Variants in SAMD3 observed in about 807,000 individuals in gnomAD.
The protein encoded by SAMD3 is sterile alpha motif domain containing 3.
Under a neutral mutation model 58.5 loss-of-function variants are expected in SAMD3, and 63 were observed. The observed-to-expected ratio is 1.08, with a 90% CI of 0.88 to 1.33. The LOEUF is 1.33. SAMD3 is among the 40% of genes most tolerant of loss of function. The pLI, the probability that SAMD3 is intolerant of heterozygous loss-of-function variation, is 0.00. For missense variants in SAMD3, 604 were observed against 608.4 expected, an observed-to-expected ratio of 0.99 and a Z score of 0.08; for synonymous variants, 220 against 210.3, an observed-to-expected ratio of 1.05 and a Z score of -0.40.
chr6:130,275,101 T>C (rs1774728554), intron 2 of SAMD3, among the ~76,000 whole-genome samples: 1 of 152,190 alleles, frequency 6.6e-6, no homozygotes, highest in African/African-American at 2.4e-5. Context: ...GTATGCCCAT[T>C]AAATGTGAGA....
chr6:130,210,058 A>G (rs2114826372), intron 4 of SAMD3, among the ~76,000 whole-genome samples: 2 of 152,114 alleles, frequency 1.3e-5, no homozygotes, highest in South Asian at 4.2e-4. Context: ...TAGCTCCCTT[A>G]TTTTCCAAGT....
intron 2 of SAMD3, among the ~76,000 whole-genome samples, chr6:130,233,490 C>T (rs1053274659): frequency 2.0e-5 from 3 of 152,116 alleles, no homozygotes; most frequent in African/African-American, 7.2e-5. Flanking sequence ...CCCAGCAGTC[C>T]AGCAATGTGA....
chr6:130,340,428 G>T (rs2115022793), intron 1 of SAMD3, among the ~76,000 whole-genome samples: 1 of 152,218 alleles, frequency 6.6e-6, no homozygotes, highest in Middle Eastern at 3.4e-3. Context: ...GGATCCTGAG[G>T]ATTCCACTGG....
chr6:130,264,808 T>C (rs1774278456), intron 2 of SAMD3, among the ~76,000 whole-genome samples: 1 of 151,928 alleles, frequency 6.6e-6, no homozygotes, highest in Admixed American at 6.5e-5. Flanking sequence ...TCGGCCTCAG[T>C]CCTGGGGCTA....
chr6:130,304,683 T>A (rs1775856445), intron 2 of SAMD3, among the ~76,000 whole-genome samples: 1 of 152,152 alleles, frequency 6.6e-6, no homozygotes, highest in Non-Finnish European at 1.5e-5. Context: ...AGAATCATCT[T>A]GCTAAGTTCC....
At chr6:130,222,051 A>C (rs1215651390) in intron 1 of SAMD3, among the ~76,000 whole-genome samples, 1 of 152,196 alleles carries the variant, frequency 6.6e-6, no homozygotes, top group African/African-American at 2.4e-5. Flanking sequence ...TTGCCCTGTC[A>C]TATTATTCCC....
chr6:130,207,174 A>AAAG (rs1231392944), intron 5 of SAMD3, among the ~76,000 whole-genome samples: 1 of 127,672 alleles, frequency 7.8e-6, no homozygotes, highest in African/African-American at 3.0e-5. Flanking sequence ...AAAAAAAAAG[A>AAAG]AAAAAAAGAA....
chr6:130,363,730 T>C (rs1583159361), intron 1 of SAMD3, among the ~76,000 whole-genome samples: 1 of 152,212 alleles, frequency 6.6e-6, no homozygotes. Context: ...CTTGGATTAC[T>C]CTCTTTCTAC....
At position 130,230,217 on chromosome 6, in the gene SAMD3, C is replaced by T. The variant is rs75508247; in HGVS notation, c.-187-7404G>A. 4.0e-3 allele frequency among the ~76,000 whole-genome samples: 610 copies of T among 152,172 alleles called. 5 individuals carry two copies. Among genetic ancestry groups the T allele is most frequent in the African/African-American group, 0.014 (577 of 41,528 alleles). ...TATTATGTTGGAACTCTTTGCACCT[C>T]GAGGGTTTGCATCACAATCCAAAGT... is the stretch of plus-strand genomic sequence containing the variant. On this transcript the variant is annotated intron_variant, in intron 2 of 13. Coordinates refer to the SAMD3 transcript ENST00000368134.
In SAMD3 at chr6:130,180,287, ATTTTTTTTTT is replaced by A. The variant is rs56155412; in HGVS notation, c.654+3806_654+3815del. 5.3e-4 allele frequency among the ~76,000 whole-genome samples: 37 copies of A among 69,438 alleles called. 1 individual carries two copies. Among genetic ancestry groups the A allele is most frequent in the African/African-American group, 2.0e-3 (34 of 16,914 alleles). The allele number at this position is 69,438 out of a possible 152,430, so 45.6% of individuals were successfully genotyped here. A position where few individuals can be genotyped will look rare whatever the true frequency, so the allele number is the denominator to read the frequency against. On this transcript the variant is annotated intron_variant, in intron 7 of 11. Transcript: ENST00000439090. ...AGGCTCATGCCACCATACCTGGCTA[ATTTTTTTTTT>A]TTTTTTTTTTTTTTTTTTGTAGGGA...
At chr6:130,195,535 T>C (rs148315694) in intron 5 of SAMD3, among the ~76,000 whole-genome samples, 3,088 of 152,190 alleles carry the variant, frequency 0.02, 99 homozygotes, top group African/African-American at 0.071. Flanking sequence ...ACCCATATAC[T>C]CTCCTATCCT....
chr6:130,330,313 C>A (rs1239599062), intron 1 of SAMD3, among the ~76,000 whole-genome samples: 1 of 152,098 alleles, frequency 6.6e-6, no homozygotes, highest in African/African-American at 2.4e-5. Context: ...GTATAGAAGA[C>A]CTGGGATGCA....
rs555216251 is a variant in SAMD3, at chr6:130,269,568, T to G, written c.-188+43410A>C. Among the ~76,000 whole-genome samples the G allele has an allele frequency of 5.9e-5, 9 of 152,288 alleles. No homozygotes were observed. In the East Asian group the frequency reaches 1.5e-3, roughly 26 times the overall value. The stretch of plus-strand genomic sequence containing the variant: ...AAGGATTGGTAGTAATATCCCTGGT[T>G]TCCATTCTGATATTGGTAATATGTG... On this transcript the variant is annotated intron_variant, in intron 2 of 13. Transcript: ENST00000368134.
At chr6:130,218,065 A>G (rs1338587393) in intron 1 of SAMD3, among the ~76,000 whole-genome samples, 1 of 152,184 alleles carries the variant, frequency 6.6e-6, no homozygotes, top group African/African-American at 2.4e-5. Context: ...GGGAGGTGAT[A>G]GTGTTGTAGG....
intron 1 of SAMD3, among the ~76,000 whole-genome samples, chr6:130,356,009 T>C (rs1777817169): frequency 6.6e-6 from 1 of 152,250 alleles, no homozygotes; most frequent in Admixed American, 6.5e-5. Context: ...CTATTTTGTC[T>C]GTTCCTTTTT....
intron 7 of SAMD3, among the ~76,000 whole-genome samples, chr6:130,181,677 T>C (rs1267415465): frequency 6.6e-6 from 1 of 152,168 alleles, no homozygotes; most frequent in Non-Finnish European, 1.5e-5. Context: ...CTTAGGTATA[T>C]GCAAAGATTC....
At chr6:130,259,826 T>C (rs961661803) in intron 2 of SAMD3, among the ~76,000 whole-genome samples, 1 of 152,246 alleles carries the variant, frequency 6.6e-6, no homozygotes, top group African/African-American at 2.4e-5. Context: ...AAAACTTTAG[T>C]ACAATGCTAA....
At chr6:130,277,649 A>G (rs1450701900) in intron 2 of SAMD3, among the ~76,000 whole-genome samples, 1 of 152,142 alleles carries the variant, frequency 6.6e-6, no homozygotes, top group African/African-American at 2.4e-5. Flanking sequence ...CTTTTTATGA[A>G]TGCCCCAGGT....
At chr6:130,339,926 A>C (rs1349679963) in intron 1 of SAMD3, among the ~76,000 whole-genome samples, 1 of 152,120 alleles carries the variant, frequency 6.6e-6, no homozygotes, top group Non-Finnish European at 1.5e-5. Context: ...ATTTCTCTCC[A>C]TTTATGTAAT....
Sources: allele counts gnomAD v4.1 joint callset (sites outside exome capture counted in the v4.1 genomes callset), GRCh38; gene constraint gnomAD v4.1.1; transcripts MANE v1.5; gene names NCBI Gene and HGNC (gene_info 2026-07-23, HGNC 2026-07-21).